Variants in ZNF418 observed in about 807,000 individuals in gnomAD.
The protein encoded by ZNF418 is zinc finger protein 418.
In ZNF418, 32 loss-of-function variants were observed where a neutral mutation model predicts 32.0. The observed-to-expected ratio is 1.00, with a 90% CI of 0.75 to 1.34. The LOEUF (loss-of-function observed/expected upper bound fraction) is 1.34, where lower values mean the gene tolerates loss of function less well. Among genes scored for constraint, ZNF418 ranks in the 40% most tolerant of loss-of-function variants. The pLI is 0.00. For missense variants in ZNF418, 804 were observed against 812.5 expected (o/e 0.99, Z 0.13); for synonymous variants, 276 against 270.7 (o/e 1.02, Z -0.19).
chr19:57,934,342 T>A, intron 1 of ZNF418: 1 of 369,834 alleles, frequency 2.7e-6, no homozygotes, highest in Non-Finnish European at 3.8e-6. Context: ...AGCCTCTGAG[T>A]AGCTGGGATT....
Position 57,926,517 on chromosome 19 carries a change from C to G in ZNF418, c.1664G>C (p.Arg555Pro). The G allele has an allele frequency of 6.2e-7, 1 of 1,613,744 alleles. No individual in the cohort carries two copies. ...KSFHQSSSLL[R>P]HQKTHTAERP... ...TTCTGCAGTGTGAGTTTTCTGATGT[C>G]GAAGGAGGGAAGAGCTCTGATGAAA... The change falls in exon 4 of 6, where the codon CGA (arginine) becomes CCA (proline). Residue 555 changes from arginine (R) to proline (P), a missense_variant. Arg to Pro is a moderately radical substitution (Grantham distance 103). This residue lies in a region of ZNF418 where 475 missense variants were observed against 458.6 expected (regional missense o/e 1.04). Coordinates refer to ENST00000396147, the MANE Select transcript of ZNF418 (RefSeq NM_133460.3).
At position 57,926,170 on chromosome 19, in the gene ZNF418, C is replaced by G. The variant is rs1409967678; in HGVS notation, c.2011G>C (p.Glu671Gln). ...SLLRHQRVHTERSPYK is the reference protein window; with the variant it reads ...SLLRHQRVHTQRSPYK ...TCTTTTCACTTGTAAGGACTTCTTT[C>G]TGTGTGAACTCTCTGATGTCGAAGG... Residue 671 changes from glutamate to glutamine, a missense_variant, in exon 4 of 6, where the codon GAA (glutamate) becomes CAA (glutamine). Physicochemically the swap from Glu to Gln is conservative, Grantham distance 29. Transcript: ENST00000396147. 1 of 1,611,070 alleles carries G rather than the reference C, an allele frequency of 6.2e-7. No individual in the cohort carries two copies. Among genetic ancestry groups the G allele is most frequent in the Non-Finnish European group, 8.5e-7 (1 of 1,178,130 alleles).
At chr19:57,925,386 G>A (rs540281745) in intron 4 of ZNF418, among the ~76,000 whole-genome samples, 34 of 152,012 alleles carry the variant, frequency 2.2e-4, no homozygotes, top group East Asian at 1.5e-3. Flanking sequence ...GCGTGAACCC[G>A]GGAGGCGGAG....
At chr19:57,932,705 C>T in intron 2 of ZNF418, 1 of 1,229,744 alleles carries the variant, frequency 8.1e-7, no homozygotes. Flanking sequence ...ATCAGCTGTC[C>T]ACCCCAGGCC....
At position 57,929,808 on chromosome 19, in the gene ZNF418, T is replaced by G. The variant is rs569798420; in HGVS notation, c.133+620A>C. Among the ~76,000 whole-genome samples the G allele has an allele frequency of 1.7e-3, 258 of 151,954 alleles. 1 individual carries two copies. The highest frequency in any genetic ancestry group is 5.9e-3 in the African/African-American group (244 of 41,460). On this transcript the variant is annotated intron_variant, in intron 3 of 5. Coordinates refer to ENST00000396147, the MANE Select transcript of ZNF418 (RefSeq NM_133460.3). ...CACCATTCTCCTGCCTCAGCCTCCC[T>G]AGTAGCTGGGACTACAGGCGCCCGC...
chr19:57,935,145 G>A lies in ZNF418; in HGVS notation c.-81+16C>T. On this transcript the variant is annotated intron_variant, in intron 1 of 5. Transcript: ENST00000396147. ...GTTAGGATGAGGTGACCTGAGGGCA[G>A]GGAAGGCACAATTACCTGAGCCGGG... 1 of 1,316,300 alleles carries A rather than the reference G, an allele frequency of 7.6e-7. No homozygotes were observed. Among genetic ancestry groups the A allele is most frequent in the Non-Finnish European group, 9.9e-7 (1 of 1,014,472 alleles). 81.5% of individuals were successfully genotyped at this position (1,316,300 alleles called of 1,614,324 possible).
At position 57,926,860 on chromosome 19, in the gene ZNF418, G is replaced by C; in HGVS notation, c.1321C>G (p.Leu441Val). 6.2e-7 allele frequency: 1 copy of C among 1,614,156 alleles called. No individual in the cohort carries two copies. Residue 441 changes from leucine (L) to valine (V), a missense_variant, in exon 4 of 6, where the codon CTC becomes GTC. Physicochemically the swap from Leu to Val is conservative, Grantham distance 32. Around this residue, in one of 3 missense-constraint regions of ZNF418, gnomAD observed 475 missense variants for 458.6 expected, o/e 1.04. Coordinates refer to ENST00000396147, the MANE Select transcript of ZNF418 (RefSeq NM_133460.3). ...GTGTGGCTTCGCTGATGCTGAATGA[G>C]GTTGCCCTTTCGACTAAAAGATTTC... ...CGKSFSRKGN[L>V]IQHQRSHTGE...
rs1380787076 is a variant in ZNF418, at chr19:57,925,077, G to A, written c.*527+546C>T. Reference sequence around the variant, plus strand: ...GTAAATACAACTCTCAAGACTGAAGGAAGCTTAAACAATAAGGCCTTATTC... The same window carrying A: ...GTAAATACAACTCTCAAGACTGAAGAAAGCTTAAACAATAAGGCCTTATTC... On this transcript the variant is annotated intron_variant, in intron 4 of 5. Coordinates refer to ENST00000396147, the MANE Select transcript of ZNF418 (RefSeq NM_133460.3). Among the ~76,000 whole-genome samples, 7 of 152,222 alleles carry A rather than the reference G, an allele frequency of 4.6e-5. No individual in the cohort carries two copies. In the East Asian group the frequency reaches 9.7e-4, roughly 21 times the overall value.
rs759387541 is a variant in ZNF418 at position 57,926,792 on chromosome 19, A to C, written c.1389T>G (p.Phe463Leu). The change falls in exon 4 of 6, where the codon TTT becomes TTG. Residue 463 changes from phenylalanine (F) to leucine (L), a missense_variant. Coordinates refer to ENST00000396147, the MANE Select transcript of ZNF418 (RefSeq NM_133460.3). ...GTTCAATGAGGTGGGACTTGCCCCT[A>C]AATAATTTCCTACACTCTCTACACT... is the stretch of plus-strand genomic sequence containing the variant. The part of the protein sequence containing the change: ...PYECRECRKL[F>L]RGKSHLIEHQ... The C allele has an allele frequency of 1.9e-6, 3 of 1,613,982 alleles. No homozygotes were observed. Among genetic ancestry groups the C allele is most frequent in the South Asian group, 2.2e-5 (2 of 91,076 alleles).
In ZNF418 at chr19:57,922,283, T is replaced by A. The variant is rs140087584; in HGVS notation, c.*972A>T. 55 of 284,634 alleles carry A rather than the reference T, an allele frequency of 1.9e-4. No individual in the cohort carries two copies. Among genetic ancestry groups the A allele is most frequent in the African/African-American group, 1.1e-3 (51 of 46,088 alleles). The allele number at this position is 284,634 out of a possible 1,614,324, so 17.6% of individuals were successfully genotyped here. A position where few individuals can be genotyped will look rare whatever the true frequency, so the allele number is the denominator to read the frequency against. ...CTGTACATGACGAGATGGGCTTTTA[T>A]TAACCTCTTTGTTAGTTTCATCAAT... On this transcript the variant is annotated 3_prime_UTR_variant, in exon 6 of 6. Transcript: ENST00000396147.
At position 57,922,438 on chromosome 19, in the gene ZNF418, GGA is replaced by G; in HGVS notation, c.*815_*816del. ...TAATTCACAAGAAATTCTCCAAGAG[GGA>G]GTTACCAATTCAACACATATTTACC... On this transcript the variant is annotated 3_prime_UTR_variant, in exon 6 of 6. Coordinates refer to ENST00000396147, the MANE Select transcript of ZNF418 (RefSeq NM_133460.3). 1 of 396,488 alleles carries G rather than the reference GGA, an allele frequency of 2.5e-6. No homozygotes were observed. The highest frequency in any genetic ancestry group is 4.4e-6 in the Non-Finnish European group (1 of 225,088). The allele number at this position is 396,488 out of a possible 1,614,324, so 24.6% of individuals were successfully genotyped here. A position where few individuals can be genotyped will look rare whatever the true frequency, so the allele number is the denominator to read the frequency against.
At chr19:57,930,065 G>C (rs1163436088) in intron 3 of ZNF418, among the ~76,000 whole-genome samples, 3 of 152,202 alleles carry the variant, frequency 2.0e-5, no homozygotes. Flanking sequence ...TCCTGCCACA[G>C]GCAGGCATCA....
At chr19:57,931,915 T>C (rs2072503044) in intron 2 of ZNF418, among the ~76,000 whole-genome samples, 1 of 152,372 alleles carries the variant, frequency 6.6e-6, no homozygotes, top group African/African-American at 2.4e-5. Context: ...TCTACTGCTC[T>C]GAGTGGGATT....
intron 3 of ZNF418, among the ~76,000 whole-genome samples, chr19:57,929,010 AC>A (rs10718679): frequency 0.7 from 106,760 of 151,718 alleles, 38,338 homozygotes; most frequent in African/African-American, 0.86. Flanking sequence ...AAAAACAAAA[AC>A]CAAAAACAAA....
In ZNF418 at chr19:57,934,306, C is replaced by T. The variant is rs186127078; in HGVS notation, c.-80-404G>A. The T allele has an allele frequency of 1.1e-5, 9 of 791,496 alleles. No individual in the cohort carries two copies. The East Asian group carries it at 6.0e-4, about 53-fold the overall frequency. 49.0% of individuals were successfully genotyped at this position (791,496 alleles called of 1,614,324 possible). A position where few individuals can be genotyped will look rare whatever the true frequency, so the allele number is the denominator to read the frequency against. ...AATGGCTCACCGCAACCTCTGCCTC[C>T]CGAGTTCAAGCAATTCTCCTGCCTT... On this transcript the variant is annotated intron_variant, in intron 1 of 5. Transcript: ENST00000396147.
At chr19:57,923,511 C>T (rs796836887) in intron 4 of ZNF418, among the ~76,000 whole-genome samples, 2,426 of 136,300 alleles carry the variant, frequency 0.018, no homozygotes, top group Middle Eastern at 0.028. Context: ...TATACACACA[C>T]ATATATACAT....
rs2072190040 is a variant in ZNF418, at chr19:57,925,699, A to G, written c.*451T>C. The G allele has an allele frequency of 5.7e-6, 1 of 174,452 alleles. No homozygotes were observed. Among genetic ancestry groups the G allele is most frequent in the African/African-American group, 2.4e-5 (1 of 41,884 alleles). 10.8% of individuals were successfully genotyped at this position (174,452 alleles called of 1,614,324 possible). On this transcript the variant is annotated 3_prime_UTR_variant, in exon 4 of 6. Transcript: ENST00000396147. ...GGGGTGAATGAATGATGCACAGTGA[A>G]CACCTGCCTCGTGGCCGACATAAAA...
intron 4 of ZNF418, among the ~76,000 whole-genome samples, chr19:57,924,390 G>A (rs893471404): frequency 3.9e-5 from 6 of 152,094 alleles, no homozygotes; most frequent in Non-Finnish European, 8.8e-5. Flanking sequence ...ATTGCCTTGA[G>A]GTGAACAGCC....
rs1230647463 is a variant in ZNF418, at chr19:57,933,789, C to T, written c.6+28G>A. 2.5e-6 allele frequency: 4 copies of T among 1,613,662 alleles called. No homozygotes were observed. The Admixed American group carries it at 5.0e-5, about 20-fold the overall frequency. ...TCTTGAATCCAGCCACAGCTCCTTA[C>T]TCATTAATATGGTCCAGTAACCCTC... On this transcript the variant is annotated intron_variant, in intron 2 of 5. Coordinates refer to ENST00000396147, the MANE Select transcript of ZNF418 (RefSeq NM_133460.3).
Sources: allele counts gnomAD v4.1 joint callset (sites outside exome capture counted in the v4.1 genomes callset), GRCh38; gene constraint gnomAD v4.1.1; regional missense constraint gnomAD v4.1.1; transcripts MANE v1.5; gene names NCBI Gene and HGNC (gene_info 2026-07-23, HGNC 2026-07-21).